TBC1D1: variants seen among roughly 807,000 people sequenced by gnomAD.
The protein encoded by TBC1D1 is TBC1 (tre-2/USP6, BUB2, cdc16) domain family, member 1.
In TBC1D1, 89 loss-of-function variants were observed where a neutral mutation model predicts 125.6. The ratio of observed to expected loss-of-function variants is 0.71; its 90% CI spans 0.60 to 0.85. TBC1D1 has a LOEUF of 0.85. TBC1D1 is among the 40% of genes least tolerant of loss of function. TBC1D1 has a pLI of 0.00. For missense variants in TBC1D1, 1,377 were observed against 1,469.2 expected (o/e 0.94, Z 1.03); for synonymous variants, 565 against 564.1 (o/e 1.00, Z -0.02).
intron 2 of TBC1D1, among the ~76,000 whole-genome samples, chr4:37,946,201 G>A (rs1253716567): frequency 6.6e-6 from 1 of 152,212 alleles, no homozygotes; most frequent in African/African-American, 2.4e-5. Context: ...AGAAATGCTG[G>A]AAAAACCATT....
intron 2 of TBC1D1, among the ~76,000 whole-genome samples, chr4:38,010,850 C>T (rs1439100750): frequency 1.3e-5 from 2 of 152,194 alleles, no homozygotes; most frequent in Non-Finnish European, 2.9e-5. Flanking sequence ...TAAACCTCCT[C>T]CTCCGGGCAG....
In TBC1D1 at chr4:37,942,561, C is replaced by T. The variant is rs141224345; in HGVS notation, c.417+40049C>T. Among the ~76,000 whole-genome samples, 1,213 of 151,392 alleles carry T rather than the reference C, an allele frequency of 8.0e-3. 14 individuals are homozygous for T. The highest frequency in any genetic ancestry group is 0.028 in the African/African-American group (1,148 of 41,256). On this transcript the variant is annotated intron_variant, in intron 2 of 19. Coordinates refer to ENST00000261439, the MANE Select transcript of TBC1D1 (RefSeq NM_015173.4). The stretch of plus-strand genomic sequence containing the variant: ...TGTTTTTTTTGTTTTTTTTTTAGGA[C>T]GGAGTCTTGCTCTGTCACCCAGGCT...
chr4:38,094,530 T>C (rs1384318286), intron 13 of TBC1D1, among the ~76,000 whole-genome samples: 1 of 152,194 alleles, frequency 6.6e-6, no homozygotes, highest in Non-Finnish European at 1.5e-5. Flanking sequence ...CTGCCTTGGT[T>C]GATAAGGCAT....
intron 2 of TBC1D1, among the ~76,000 whole-genome samples, chr4:37,934,216 A>G (rs926670893): frequency 6.6e-6 from 1 of 152,182 alleles, no homozygotes; most frequent in Non-Finnish European, 1.5e-5. Flanking sequence ...GGAAAGGTCA[A>G]CTGGCTGACA....
In TBC1D1 at chr4:38,103,669, T is replaced by C. The variant is rs189551251; in HGVS notation, c.2557+512T>C. Among the ~76,000 whole-genome samples the C allele has an allele frequency of 6.8e-4, 103 of 152,240 alleles. 2 individuals are homozygous for C. The highest frequency in any genetic ancestry group is 2.4e-3 in the African/African-American group (100 of 41,544). On this transcript the variant is annotated intron_variant, in intron 15 of 19. Transcript: ENST00000261439. ...TTGAATAGTTTTTAAAATAAGAAGA[T>C]GGGAACAATATACAGTCAGCCCTCC...
intron 2 of TBC1D1, among the ~76,000 whole-genome samples, chr4:37,991,087 G>A (rs941623891): frequency 5.3e-5 from 8 of 152,114 alleles, no homozygotes; most frequent in Non-Finnish European, 1.0e-4. Context: ...GGTGGTGAAG[G>A]CAGTCACAGA....
At chr4:37,937,364 A>G (rs1157098321) in intron 2 of TBC1D1, among the ~76,000 whole-genome samples, 1 of 152,230 alleles carries the variant, frequency 6.6e-6, no homozygotes, top group Non-Finnish European at 1.5e-5. Context: ...TAGCCTAAAA[A>G]GCACTCTTAA....
chr4:38,122,588 G>T (rs953810439), intron 17 of TBC1D1, among the ~76,000 whole-genome samples: 1 of 151,964 alleles, frequency 6.6e-6, no homozygotes, highest in South Asian at 2.1e-4. Context: ...CTTTGTTCTC[G>T]TAACACCCTG....
intron 12 of TBC1D1, among the ~76,000 whole-genome samples, chr4:38,089,023 T>C (rs565317360): frequency 1.3e-5 from 2 of 152,370 alleles, no homozygotes; most frequent in East Asian, 3.9e-4. Flanking sequence ...TTTTAATTTA[T>C]TCATTTGTCT....
intron 10 of TBC1D1, among the ~76,000 whole-genome samples, chr4:38,047,408 C>T (rs936141270): frequency 2.6e-5 from 4 of 152,052 alleles, no homozygotes; most frequent in Non-Finnish European, 5.9e-5. Context: ...GTCTGCAGAC[C>T]GCCTCTGGGG....
At chr4:38,068,275 A>G (rs768950459) in intron 12 of TBC1D1, among the ~76,000 whole-genome samples, 2 of 152,170 alleles carry the variant, frequency 1.3e-5, no homozygotes, top group Non-Finnish European at 2.9e-5. Flanking sequence ...TGCAGCCACC[A>G]GAGGCAGGAA....
intron 2 of TBC1D1, among the ~76,000 whole-genome samples, chr4:37,955,973 T>C (rs942255518): frequency 6.6e-6 from 1 of 151,998 alleles, no homozygotes; most frequent in Non-Finnish European, 1.5e-5. Flanking sequence ...CTTGTCTCTA[T>C]TTAAAAAATA....
Position 38,124,419 on chromosome 4 carries a change from G to C in TBC1D1, c.2963-543G>C, listed in dbSNP as rs561886732. Among the ~76,000 whole-genome samples the C allele has an allele frequency of 3.3e-5, 5 of 152,214 alleles. No homozygotes were observed. In the South Asian group the frequency reaches 1.0e-3, roughly 32 times the overall value. The stretch of plus-strand genomic sequence containing the variant: ...GACAGAGTTCTTGAACTCCTCAGAG[G>C]GAAAAATGTTCTTTATTCCATTATC... On this transcript the variant is annotated intron_variant, in intron 17 of 19. Coordinates refer to ENST00000261439, the MANE Select transcript of TBC1D1 (RefSeq NM_015173.4).
intron 12 of TBC1D1, among the ~76,000 whole-genome samples, chr4:38,074,880 C>T (rs944064021): frequency 2.6e-5 from 4 of 152,020 alleles, no homozygotes; most frequent in Non-Finnish European, 5.9e-5. Context: ...CCTGCCTCAG[C>T]CTCCCGAGTA....
At chr4:37,984,948 A>G (rs549823065) in intron 2 of TBC1D1, among the ~76,000 whole-genome samples, 6 of 152,018 alleles carry the variant, frequency 3.9e-5, no homozygotes, top group African/African-American at 1.4e-4. Flanking sequence ...ATTTGGTTAT[A>G]TTTATGATAT....
chr4:37,917,278 A>G (rs1041472962), intron 2 of TBC1D1, among the ~76,000 whole-genome samples: 1 of 150,900 alleles, frequency 6.6e-6, no homozygotes, highest in Non-Finnish European at 1.5e-5. Context: ...GTTCAAGACC[A>G]GCCTGGCCAA....
chr4:38,043,101 C>T (rs1346815064), intron 8 of TBC1D1, among the ~76,000 whole-genome samples: 3 of 152,064 alleles, frequency 2.0e-5, no homozygotes, highest in East Asian at 1.9e-4. Flanking sequence ...AGGGTTTCCC[C>T]GTGTTGGCCA....
Position 38,137,670 on chromosome 4 carries a change from T to G in TBC1D1, c.*335T>G. On this transcript the variant is annotated 3_prime_UTR_variant, in exon 20 of 20. Coordinates refer to ENST00000261439, the MANE Select transcript of TBC1D1 (RefSeq NM_015173.4). ...CTGTGTTTGTAAAGAGCATTCACAA[T>G]ACGGTGGAATTTCAAAAGCTGGAAG... 2 of 236,934 alleles carry G rather than the reference T, an allele frequency of 8.4e-6. No homozygotes were observed. Among genetic ancestry groups the G allele is most frequent in the Non-Finnish European group, 8.1e-6 (1 of 123,852 alleles). 14.7% of individuals were successfully genotyped at this position (236,934 alleles called of 1,614,324 possible).
At chr4:38,107,936 T>C (rs1159385648) in intron 15 of TBC1D1, among the ~76,000 whole-genome samples, 1 of 152,160 alleles carries the variant, frequency 6.6e-6, no homozygotes, top group Non-Finnish European at 1.5e-5. Context: ...CCACCCCTGC[T>C]TTGGTGGAAT....
Sources: allele counts gnomAD v4.1 joint callset (sites outside exome capture counted in the v4.1 genomes callset), GRCh38; gene constraint gnomAD v4.1.1; transcripts MANE v1.5; gene names NCBI Gene and HGNC (gene_info 2026-07-23, HGNC 2026-07-21).